CDKAL1: variants seen among roughly 807,000 people sequenced by gnomAD.
CDKAL1 encodes CDKAL1 threonylcarbamoyladenosine tRNA methylthiotransferase.
Under a neutral mutation model 68.2 loss-of-function variants are expected in CDKAL1, and 32 were observed. The observed-to-expected ratio is 0.47, with a 90% CI of 0.35 to 0.63. CDKAL1 has a LOEUF of 0.63. Ranked by LOEUF, CDKAL1 falls within the 30% of genes least tolerant of loss-of-function variation. The pLI is 0.00. For synonymous variants in CDKAL1, 234 were observed against 244.3 expected, an observed-to-expected ratio of 0.96 and a Z score of 0.39; for missense variants, 606 against 696.7, an observed-to-expected ratio of 0.87 and a Z score of 1.47.
At chr6:20,965,853 C>T (rs963104809) in intron 10 of CDKAL1, among the ~76,000 whole-genome samples, 2 of 152,184 alleles carry the variant, frequency 1.3e-5, no homozygotes, top group African/African-American at 4.8e-5. Flanking sequence ...TATGCTCAAA[C>T]CATTGAGAAA....
intron 12 of CDKAL1, among the ~76,000 whole-genome samples, chr6:21,076,539 AC>A (rs1410333250): frequency 6.6e-6 from 1 of 151,934 alleles, no homozygotes; most frequent in African/African-American, 2.4e-5. Flanking sequence ...TGGAAGGAAT[AC>A]TGAATCTTTT....
At chr6:20,973,677 C>T (rs957903732) in intron 10 of CDKAL1, among the ~76,000 whole-genome samples, 1 of 151,180 alleles carries the variant, frequency 6.6e-6, no homozygotes, top group African/African-American at 2.4e-5. Flanking sequence ...TGATCTCGGC[C>T]CACTGCAACC....
chr6:20,676,861 A>C, intron 5 of CDKAL1, among the ~76,000 whole-genome samples: 1 of 152,102 alleles, frequency 6.6e-6, no homozygotes, highest in South Asian at 2.1e-4. Flanking sequence ...ATAATGGCCT[A>C]GGTATATAGT....
chr6:21,206,434 T>C (rs994435302), intron 15 of CDKAL1, among the ~76,000 whole-genome samples: 1 of 152,234 alleles, frequency 6.6e-6, no homozygotes, highest in Non-Finnish European at 1.5e-5. Context: ...ACTACTAATG[T>C]TCTTTCTTCT....
intron 8 of CDKAL1, among the ~76,000 whole-genome samples, chr6:20,790,357 G>T (rs530600846): frequency 1.3e-5 from 2 of 152,148 alleles, no homozygotes; most frequent in East Asian, 3.9e-4. Context: ...GTGGGGTGGG[G>T]GGAACCAAAA....
chr6:21,163,733 A>C (rs1777023667), intron 13 of CDKAL1, among the ~76,000 whole-genome samples: 1 of 152,094 alleles, frequency 6.6e-6, no homozygotes, highest in South Asian at 2.1e-4. Context: ...CGGGTGGATC[A>C]CCTGAGGTCA....
chr6:20,600,791 C>CATATATATATATATATATATATAT (rs1336889610), intron 4 of CDKAL1, among the ~76,000 whole-genome samples: 3 of 77,240 alleles, frequency 3.9e-5, no homozygotes, highest in African/African-American at 1.2e-4. Context: ...TATATATACA[C>CATATATATATATATATATATATAT]ACACACACAT....
chr6:20,553,495 TG>T (rs1763912008), intron 4 of CDKAL1, among the ~76,000 whole-genome samples: 1 of 152,088 alleles, frequency 6.6e-6, no homozygotes, highest in Admixed American at 6.6e-5. Flanking sequence ...GGTGACAGAG[TG>T]AGACACTGTC....
chr6:20,659,431 A>C (rs1489310191), intron 5 of CDKAL1, among the ~76,000 whole-genome samples: 1 of 152,200 alleles, frequency 6.6e-6, no homozygotes, highest in African/African-American at 2.4e-5. Flanking sequence ...TTTTTCAGCT[A>C]TCCTTGCCCA....
At chr6:20,896,809 C>T (rs1761712378) in intron 9 of CDKAL1, among the ~76,000 whole-genome samples, 1 of 151,996 alleles carries the variant, frequency 6.6e-6, no homozygotes, top group African/African-American at 2.4e-5. Context: ...TCCCTCCCTC[C>T]CCACTCCCTA....
rs549425788 is a variant in CDKAL1 at position 21,206,326 on chromosome 6, G to A, written c.1548+5052G>A. ...GGCAGTTTTAATTATCTTCTCTGTGGGTTCAGTTAAAAATGGCATTAGAGA... is the reference window on the plus strand; with the variant it reads ...GGCAGTTTTAATTATCTTCTCTGTGAGTTCAGTTAAAAATGGCATTAGAGA... On this transcript the variant is annotated intron_variant, in intron 15 of 15. Coordinates refer to ENST00000274695, the MANE Select transcript of CDKAL1 (RefSeq NM_017774.3). 5.9e-5 allele frequency among the ~76,000 whole-genome samples: 9 copies of A among 152,186 alleles called. No individual in the cohort carries two copies. In the East Asian group the frequency reaches 1.5e-3, roughly 26 times the overall value.
At chr6:21,081,468 G>A (rs1469190442) in intron 12 of CDKAL1, among the ~76,000 whole-genome samples, 1 of 151,494 alleles carries the variant, frequency 6.6e-6, no homozygotes, top group Non-Finnish European at 1.5e-5. Flanking sequence ...TATTAAAATT[G>A]TAATATTCAA....
chr6:20,688,016 C>CT (rs555285256), intron 5 of CDKAL1, among the ~76,000 whole-genome samples: 41 of 150,384 alleles, frequency 2.7e-4, no homozygotes, highest in South Asian at 6.3e-4. Flanking sequence ...GTTGTTTTTT[C>CT]TTTTTTTTTA....
At chr6:20,855,580 C>T (rs1759293346) in intron 9 of CDKAL1, among the ~76,000 whole-genome samples, 1 of 151,890 alleles carries the variant, frequency 6.6e-6, no homozygotes, top group South Asian at 2.1e-4. Context: ...CTTCCAGATT[C>T]CACAGCCATT....
chr6:20,984,815 G>GGC (rs1554152539), intron 10 of CDKAL1, among the ~76,000 whole-genome samples: 1 of 148,390 alleles, frequency 6.7e-6, no homozygotes, highest in Non-Finnish European at 1.5e-5. Context: ...CAGTAACGGG[G>GGC]GGGGGTGGGG....
rs558544820 is a variant in CDKAL1 at position 21,014,489 on chromosome 6, T to TAGTCCCGGCTACTCAGG, written c.1055+14120_1055+14136dup. ...AGCTGGGCGTGGCAGTGGGTGCCTG[T>TAGTCCCGGCTACTCAGG]AGTCCCGGCTACTCAGGAGGCTGAG... On this transcript the variant is annotated intron_variant, in intron 11 of 15. Coordinates refer to ENST00000274695, the MANE Select transcript of CDKAL1 (RefSeq NM_017774.3). 2.6e-3 allele frequency among the ~76,000 whole-genome samples: 391 copies of TAGTCCCGGCTACTCAGG among 152,210 alleles called. 1 individual carries two copies. The highest frequency in any genetic ancestry group is 6.8e-3 in the Middle Eastern group (2 of 294).
intron 12 of CDKAL1, among the ~76,000 whole-genome samples, chr6:21,077,467 G>A (rs1015403663): frequency 5.9e-5 from 9 of 152,164 alleles, no homozygotes; most frequent in African/African-American, 2.2e-4. Context: ...ACCTGAGACT[G>A]GGTAGTTTAT....
intron 6 of CDKAL1, among the ~76,000 whole-genome samples, chr6:20,748,452 G>A (rs1773754470): frequency 6.6e-6 from 1 of 151,114 alleles, no homozygotes; most frequent in Non-Finnish European, 1.5e-5. Flanking sequence ...CCAGGCTGTG[G>A]CGAGTTCCAG....
At chr6:20,901,681 GAAAAAAA>G (rs77788195) in intron 9 of CDKAL1, among the ~76,000 whole-genome samples, 3 of 86,354 alleles carry the variant, frequency 3.5e-5, no homozygotes, top group East Asian at 3.7e-4. Flanking sequence ...ACTCCATCTG[GAAAAAAA>G]AAAAAAAAAA....
Sources: gnomAD v4.1 joint callset for allele counts (sites outside exome capture counted in the v4.1 genomes callset) on GRCh38, gnomAD v4.1.1 for gene constraint, MANE v1.5 for transcripts, NCBI Gene and HGNC (gene_info 2026-07-23, HGNC 2026-07-21) for gene names.